The following SLC36A1 variants were observed in gnomAD, a reference collection of about 807,000 sequenced individuals.
The protein encoded by SLC36A1 is proton-coupled amino acid transporter 1.
Under a neutral mutation model 47.5 loss-of-function variants are expected in SLC36A1, and 30 were observed. The observed-to-expected ratio is 0.63, with a 90% CI of 0.47 to 0.86. The LOEUF (loss-of-function observed/expected upper bound fraction) is 0.86, where lower values mean the gene tolerates loss of function less well. Among genes scored for constraint, SLC36A1 ranks in the 40% least tolerant of loss-of-function variants. The probability of loss-of-function intolerance (pLI) is 0.00; values close to 1 mark genes in which losing one functional copy is unlikely to be tolerated. For synonymous variants in SLC36A1, 255 were observed against 249.7 expected (o/e 1.02, Z -0.20); for missense variants, 517 against 606.0 (o/e 0.85, Z 1.54).
At chr5:151,426,826 A>C in the SLC36A1 span, among the ~76,000 whole-genome samples, 1 of 152,214 alleles carries the variant, frequency 6.6e-6, no homozygotes, top group African/African-American at 2.4e-5. Context: ...TTTCTTGGGC[A>C]GAGGTCCCTG....
At chr5:151,347,250 C>T in the SLC36A1 span, 3 of 1,612,422 alleles carry the variant, frequency 1.9e-6, no homozygotes, top group Non-Finnish European at 2.5e-6. Flanking sequence ...CCAATGCAAG[C>T]TTCAGGCTAG....
At chr5:151,553,828 C>T in the SLC36A1 span, among the ~76,000 whole-genome samples, 1 of 152,170 alleles carries the variant, frequency 6.6e-6, no homozygotes, top group Non-Finnish European at 1.5e-5. Context: ...TGGAAGAGGT[C>T]CTGTTATCAT....
chr5:151,511,905 A>G, the SLC36A1 span: 5 of 519,762 alleles, frequency 9.6e-6, no homozygotes, highest in East Asian at 1.0e-4. Context: ...GATTAATTCA[A>G]CCCTCTGCCC....
At chr5:151,396,311 C>T in the SLC36A1 span, among the ~76,000 whole-genome samples, 10,919 of 151,396 alleles carry the variant, frequency 0.072, 989 homozygotes, top group African/African-American at 0.22. Context: ...CCATATTGGC[C>T]AGGCTGGTCT....
At chr5:151,424,318 T>C in the SLC36A1 span, among the ~76,000 whole-genome samples, 1 of 152,000 alleles carries the variant, frequency 6.6e-6, no homozygotes, top group Non-Finnish European at 1.5e-5. Context: ...GGCGAAGGGA[T>C]GGGGGTTTCA....
chr5:151,521,968 T>C, the SLC36A1 span: 1 of 1,614,102 alleles, frequency 6.2e-7, no homozygotes, highest in Non-Finnish European at 8.5e-7. Flanking sequence ...GAACTCATCC[T>C]CTCCAACAGT....
At chr5:151,377,634 A>AC in the SLC36A1 span, among the ~76,000 whole-genome samples, 1 of 152,168 alleles carries the variant, frequency 6.6e-6, no homozygotes. Flanking sequence ...GGCGTGAGCC[A>AC]CCGCGCCCGG....
chr5:151,414,430 G>C, the SLC36A1 span, among the ~76,000 whole-genome samples: 509 of 152,312 alleles, frequency 3.3e-3, 1 homozygote, highest in Non-Finnish European at 5.6e-3. Flanking sequence ...GTAGGGACCA[G>C]AGCACCTAGG....
At chr5:151,403,453 TA>T in the SLC36A1 span, among the ~76,000 whole-genome samples, 1 of 152,132 alleles carries the variant, frequency 6.6e-6, no homozygotes, top group African/African-American at 2.4e-5. Context: ...TCTTGTCATT[TA>T]AAAGCGTGTG....
chr5:151,548,771 G>A, the SLC36A1 span, among the ~76,000 whole-genome samples: 13 of 152,130 alleles, frequency 8.5e-5, no homozygotes, highest in Non-Finnish European at 1.5e-4. Context: ...GTGAGCCACC[G>A]CATCTGGCCA....
chr5:151,387,711 C>T, the SLC36A1 span, among the ~76,000 whole-genome samples: 4 of 152,180 alleles, frequency 2.6e-5, no homozygotes, highest in African/African-American at 4.8e-5. Flanking sequence ...AAGTGATCCT[C>T]CCACCTCAGC....
At chr5:151,474,159 C>CAAAAAAAAAAAAAA (rs1156305401) in intron 8 of SLC36A1, among the ~76,000 whole-genome samples, 13 of 59,944 alleles carry the variant, frequency 2.2e-4, no homozygotes, top group African/African-American at 8.3e-4. Context: ...GACTCTGTCT[C>CAAAAAAAAAAAAAA]AAAAAAAAAA....
the SLC36A1 span, among the ~76,000 whole-genome samples, chr5:151,526,783 A>G: frequency 5.9e-5 from 9 of 151,850 alleles, no homozygotes; most frequent in African/African-American, 2.2e-4. Flanking sequence ...CTTTTTATTC[A>G]CTCCCTCACC....
chr5:151,497,841 C>G, the SLC36A1 span, among the ~76,000 whole-genome samples: 10 of 152,104 alleles, frequency 6.6e-5, no homozygotes, highest in Admixed American at 6.5e-4. Context: ...ATCCCCTTGG[C>G]TGGAGTGGGG....
the SLC36A1 span, among the ~76,000 whole-genome samples, chr5:151,345,303 G>C: frequency 1.3e-5 from 2 of 152,156 alleles, no homozygotes; most frequent in Non-Finnish European, 2.9e-5. Context: ...AAAGGAGCCC[G>C]GTCTCTGGGA....
At chr5:151,545,472 G>T in the SLC36A1 span, 3 of 1,614,090 alleles carry the variant, frequency 1.9e-6, no homozygotes, top group African/African-American at 2.7e-5. Context: ...TGCCTGGATG[G>T]ATAGGCCCGA....
At chr5:151,382,211 C>A in the SLC36A1 span, 3 of 1,237,064 alleles carry the variant, frequency 2.4e-6, no homozygotes, top group Non-Finnish European at 3.6e-6. Flanking sequence ...CCTGGGTGAA[C>A]CTCATCTGCA....
chr5:151,450,255 C>T (rs1753441443), intron 1 of SLC36A1, among the ~76,000 whole-genome samples: 1 of 151,606 alleles, frequency 6.6e-6, no homozygotes, highest in African/African-American at 2.4e-5. Flanking sequence ...AGCTGATGTC[C>T]ACTTACTAGC....
At chr5:151,507,453 C>G in the SLC36A1 span, 7 of 1,614,044 alleles carry the variant, frequency 4.3e-6, no homozygotes, top group Non-Finnish European at 5.9e-6. Context: ...GTGAGACTTG[C>G]AACGGCGGCA....
Sources: allele counts gnomAD v4.1 joint callset (sites outside exome capture counted in the v4.1 genomes callset), GRCh38; gene constraint gnomAD v4.1.1; transcripts MANE v1.5; gene names NCBI Gene and HGNC (gene_info 2026-07-23, HGNC 2026-07-21).